The following TTC7A variants were observed in gnomAD, a reference collection of about 807,000 sequenced individuals.
TTC7A encodes the protein tetratricopeptide repeat domain 7A.
Under a neutral mutation model 103.7 loss-of-function variants are expected in TTC7A, and 110 were observed. The ratio of observed to expected loss-of-function variants is 1.06; its 90% CI spans 0.91 to 1.24. The LOEUF (loss-of-function observed/expected upper bound fraction) is 1.24. TTC7A is among the 50% of genes most tolerant of loss of function. The probability of loss-of-function intolerance (pLI) is 0.00; values close to 1 mark genes in which losing one functional copy is unlikely to be tolerated. For missense variants in TTC7A, 1,340 were observed against 1,116.3 expected, an observed-to-expected ratio of 1.20 and a Z score of -2.86; for synonymous variants, 521 against 467.9, an observed-to-expected ratio of 1.11 and a Z score of -1.47.
intron 18 of TTC7A, among the ~76,000 whole-genome samples, chr2:47,053,543 T>TTGGTTGGTTGGTTGGTTGGTTGGTTGG (rs56072760): frequency 2.9e-5 from 4 of 140,138 alleles, no homozygotes; most frequent in Non-Finnish European, 6.1e-5. Flanking sequence ...TGTTTGTTTG[T>TTGGTTGGTTGGTTGGTTGGTTGGTTGG]TTGGTTGGTT....
In TTC7A at chr2:47,006,679, T is replaced by C; in HGVS notation, c.1242T>C (p.Phe414=). 1 of 1,614,206 alleles carries C rather than the reference T, an allele frequency of 6.2e-7. No individual in the cohort carries two copies. The stretch of plus-strand genomic sequence containing the variant: ...CCATGAAGTTTGCGTTTGGAGAATT[T>C]CACCTTTGGTACCAGGTGGCCCTCT... ...ERAMKFAFGE[F]HLWYQVALSM... Residue 414 remains phenylalanine, a synonymous_variant, in exon 10 of 20, where the codon TTT becomes TTC. Coordinates refer to ENST00000319190, the MANE Select transcript of TTC7A (RefSeq NM_020458.4).
intron 15 of TTC7A, among the ~76,000 whole-genome samples, chr2:47,030,872 G>A (rs1680460149): frequency 6.6e-6 from 1 of 152,344 alleles, no homozygotes; most frequent in African/African-American, 2.4e-5. Flanking sequence ...AAGGCCAGGC[G>A]CAGTGGCTCA....
chr2:47,073,911 C>G lies in TTC7A; in HGVS notation c.2565C>G (p.Pro855=), dbSNP rs149266167. Residue 855 remains proline, a synonymous_variant, in exon 20 of 20, where the codon CCC becomes CCG. Transcript: ENST00000319190. ...CTGTACTGCCCTTCTCCATCATCCCCAGAGAGCTCTGACGACGCTGCAGCC... is the reference window on the plus strand; with the variant it reads ...CTGTACTGCCCTTCTCCATCATCCCGAGAGAGCTCTGACGACGCTGCAGCC... The part of the protein sequence containing the change: ...SSPVLPFSII[P]REL The G allele has an allele frequency of 4.3e-6, 7 of 1,611,814 alleles. No homozygotes were observed. Among genetic ancestry groups the G allele is most frequent in the Non-Finnish European group, 5.9e-6 (7 of 1,179,398 alleles).
chr2:47,065,558 G>A (rs1684117875), intron 19 of TTC7A, among the ~76,000 whole-genome samples: 1 of 152,302 alleles, frequency 6.6e-6, no homozygotes, highest in South Asian at 2.1e-4. Flanking sequence ...GGTTGAGAGG[G>A]GAGGAGGAAC....
chr2:47,006,280 G>C (rs1677369503), intron 9 of TTC7A, among the ~76,000 whole-genome samples: 2 of 152,334 alleles, frequency 1.3e-5, no homozygotes, highest in South Asian at 4.1e-4. Flanking sequence ...GCATGTGAAA[G>C]GCTGAGAACA....
intron 3 of TTC7A, among the ~76,000 whole-genome samples, chr2:46,968,934 G>GTT (rs34000426): frequency 2.8e-5 from 4 of 140,596 alleles, no homozygotes; most frequent in African/African-American, 2.6e-5. Context: ...TTGTTTTTGT[G>GTT]TTTTTTTTTT....
rs758038421 is a variant in TTC7A at position 47,022,549 on chromosome 2, G to A, written c.1510+570G>A. 6.6e-5 allele frequency among the ~76,000 whole-genome samples: 10 copies of A among 152,222 alleles called. 1 individual carries two copies. The East Asian group carries it at 7.7e-4, about 12-fold the overall frequency. Reference sequence around the variant, plus strand: ...CCAGCTCAGCCATGTGTCTTACTCCGTCTATCAGGCAGCCACCTACTTTGA... The same window carrying A: ...CCAGCTCAGCCATGTGTCTTACTCCATCTATCAGGCAGCCACCTACTTTGA... On this transcript the variant is annotated intron_variant, in intron 12 of 19. Transcript: ENST00000319190.
intron 1 of TTC7A, among the ~76,000 whole-genome samples, chr2:46,948,680 G>C (rs1372732421): frequency 6.6e-6 from 1 of 151,846 alleles, no homozygotes; most frequent in East Asian, 1.9e-4. Context: ...GGCTGGTCTT[G>C]AACTCCTGGG....
intron 15 of TTC7A, among the ~76,000 whole-genome samples, chr2:47,040,867 A>C (rs987026445): frequency 1.3e-5 from 2 of 152,104 alleles, no homozygotes; most frequent in African/African-American, 4.8e-5. Flanking sequence ...TTGGGTTTCT[A>C]ATTCCTGGGC....
At chr2:47,053,500 G>T (rs1288326643) in intron 18 of TTC7A, among the ~76,000 whole-genome samples, 1 of 151,972 alleles carries the variant, frequency 6.6e-6, no homozygotes, top group African/African-American at 2.4e-5. Flanking sequence ...GATTTGCCTT[G>T]GTTTTGGTGG....
chr2:46,958,727 T>G (rs1672118280), intron 3 of TTC7A, among the ~76,000 whole-genome samples: 1 of 152,202 alleles, frequency 6.6e-6, no homozygotes, highest in Admixed American at 6.5e-5. Flanking sequence ...TGCCTGACCC[T>G]GTGTGTGCTT....
At chr2:46,990,033 G>T (rs1057247681) in intron 5 of TTC7A, among the ~76,000 whole-genome samples, 1 of 152,218 alleles carries the variant, frequency 6.6e-6, no homozygotes, top group Non-Finnish European at 1.5e-5. Flanking sequence ...TGGCCTCTTG[G>T]TAGCAGGTGC....
intron 15 of TTC7A, among the ~76,000 whole-genome samples, chr2:47,038,182 C>T (rs1440737662): frequency 6.6e-6 from 1 of 151,400 alleles, no homozygotes; most frequent in Non-Finnish European, 1.5e-5. Flanking sequence ...TCGCTTGAAC[C>T]CAGGAGGTGG....
intron 15 of TTC7A, among the ~76,000 whole-genome samples, chr2:47,038,225 C>G (rs1352234339): frequency 6.6e-6 from 1 of 150,736 alleles, no homozygotes; most frequent in Non-Finnish European, 1.5e-5. Context: ...CGCCACTGCA[C>G]TCCAGCTTGG....
At chr2:47,024,410 C>T (rs1679659445) in intron 14 of TTC7A, 51 bp downstream of exon 14, 1 of 1,521,584 alleles carries the variant, frequency 6.6e-7, no homozygotes, top group East Asian at 2.5e-5. Context: ...TGCTGATCTT[C>T]TCCTGGAAAC....
In TTC7A at chr2:46,994,498, C is replaced by T. The variant is rs1191771886; in HGVS notation, c.985C>T (p.Leu329Phe). 1.9e-6 allele frequency: 3 copies of T among 1,613,892 alleles called. No individual in the cohort carries two copies. Among genetic ancestry groups the T allele is most frequent in the Admixed American group, 1.7e-5 (1 of 59,992 alleles). ...CACTCAGGCCCTGCGGAAACCTCAC[C>T]TCTATGAAGGAGACAAGTAAGTTCT... ...FATQALRKPH[L>F]YEGDNLYCPK... The change falls in exon 7 of 20, where the codon CTC becomes TTC. Residue 329 changes from leucine (L) to phenylalanine (F), a missense_variant. Transcript: ENST00000319190.
intron 3 of TTC7A, chr2:46,958,630 GGCCTCCCCTTTGCCT>G: frequency 9.4e-7 from 1 of 1,067,614 alleles, no homozygotes; most frequent in Non-Finnish European, 1.3e-6. Flanking sequence ...GACTGCACAT[GGCCTCCCCTTTGCCT>G]GCCTCCTCTC....
intron 10 of TTC7A, 70 bp downstream of exon 10, chr2:47,006,794 C>CT: frequency 3.1e-6 from 4 of 1,278,436 alleles, no homozygotes; most frequent in Non-Finnish European, 4.6e-6. Flanking sequence ...GACAGAGGGG[C>CT]TTTTCTGGCC....
At chr2:47,045,942 T>C (rs368407732) in intron 15 of TTC7A, among the ~76,000 whole-genome samples, 2 of 152,116 alleles carry the variant, frequency 1.3e-5, no homozygotes, top group East Asian at 3.9e-4. Context: ...GGTCCCACGA[T>C]CATTAGGCAC....
Sources: allele counts gnomAD v4.1 joint callset (sites outside exome capture counted in the v4.1 genomes callset), GRCh38; gene constraint gnomAD v4.1.1; transcripts MANE v1.5; gene names NCBI Gene and HGNC (gene_info 2026-07-23, HGNC 2026-07-21).